Variants in ZNF385D observed in about 807,000 individuals in gnomAD.
ZNF385D encodes the protein zinc finger protein 659.
ZNF385D carries 15 observed loss-of-function variants against 35.8 expected under a neutral mutation model. That is an observed-to-expected ratio of 0.42 (90% confidence interval 0.28 to 0.64). The LOEUF is 0.64. Among genes scored for constraint, ZNF385D ranks in the 30% least tolerant of loss-of-function variants. The probability of loss-of-function intolerance (pLI) is 0.23; values close to 1 mark genes in which losing one functional copy is unlikely to be tolerated. For synonymous variants in ZNF385D, 212 were observed against 186.8 expected (o/e 1.13, Z -1.10); for missense variants, 474 against 494.6 (o/e 0.96, Z 0.39).
At chr3:22,035,839 G>A (rs1367311497) in intron 3 of ZNF385D, among the ~76,000 whole-genome samples, 2 of 152,160 alleles carry the variant, frequency 1.3e-5, no homozygotes, top group Non-Finnish European at 2.9e-5. Context: ...TAAAAATATT[G>A]TGGATCTTGT....
chr3:21,703,581 G>A (rs2067776435), intron 1 of ZNF385D, among the ~76,000 whole-genome samples: 1 of 151,902 alleles, frequency 6.6e-6, no homozygotes, highest in South Asian at 2.1e-4. Flanking sequence ...TTTATTTCTT[G>A]CTGGGTGTGT....
chr3:21,704,818 G>A (rs781285918), intron 1 of ZNF385D, among the ~76,000 whole-genome samples: 167 of 152,200 alleles, frequency 1.1e-3, no homozygotes, highest in Non-Finnish European at 2.0e-3. Flanking sequence ...ATTACATGAA[G>A]GAATAAACTA....
intron 4 of ZNF385D, among the ~76,000 whole-genome samples, chr3:21,458,313 A>AG (rs1307441711): frequency 1.8e-5 from 2 of 110,548 alleles, no homozygotes; most frequent in Non-Finnish European, 3.5e-5. Context: ...TCACTCTTAA[A>AG]GGAAAAAAAA....
intron 3 of ZNF385D, among the ~76,000 whole-genome samples, chr3:22,101,667 C>G (rs17647602): frequency 6.6e-6 from 1 of 151,056 alleles, no homozygotes; most frequent in African/African-American, 2.5e-5. Context: ...GGGGCATGTA[C>G]GTTTTGCAAC....
chr3:21,906,488 G>A (rs1228595512), intron 3 of ZNF385D, among the ~76,000 whole-genome samples: 1 of 152,252 alleles, frequency 6.6e-6, no homozygotes, highest in Admixed American at 6.5e-5. Flanking sequence ...TCTATGTCCT[G>A]AAAGAACGGA....
At chr3:21,442,730 T>C (rs544220951) in intron 4 of ZNF385D, among the ~76,000 whole-genome samples, 30 of 150,902 alleles carry the variant, frequency 2.0e-4, no homozygotes, top group Non-Finnish European at 3.1e-4. Context: ...ATTGAGCAGA[T>C]GGGAATTATG....
intron 3 of ZNF385D, among the ~76,000 whole-genome samples, chr3:21,813,805 C>T (rs2125713908): frequency 6.6e-6 from 1 of 152,200 alleles, no homozygotes; most frequent in South Asian, 2.1e-4. Context: ...AGAACCTCCC[C>T]AATCTAGCAA....
upstream of ZNF385D, among the ~76,000 whole-genome samples, chr3:21,753,930 T>C (rs2070224691): frequency 1.3e-5 from 2 of 152,284 alleles, no homozygotes; most frequent in Middle Eastern, 3.4e-3. Context: ...AGTGAAATCA[T>C]TGGGTATTTG....
In ZNF385D at chr3:22,262,477, GAAAA is replaced by G. The variant is rs529024014; in HGVS notation, c.107-93446_107-93443del. Among the ~76,000 whole-genome samples, 92 of 151,878 alleles carry G rather than the reference GAAAA, an allele frequency of 6.1e-4. 1 individual carries two copies. The South Asian group carries it at 9.8e-3, about 16-fold the overall frequency. ...ATTTTAAAAATATTAAGAATAAAGA[GAAAA>G]AATAGACACAAGTGCCTTAGGGACA... On this transcript the variant is annotated intron_variant, in intron 2 of 5. Coordinates refer to the ZNF385D transcript ENST00000494108.
In ZNF385D at chr3:22,287,072, G is replaced by A. The variant is rs1364651911; in HGVS notation, c.106+85378C>T. 8.6e-5 allele frequency among the ~76,000 whole-genome samples: 13 copies of A among 151,990 alleles called. 1 individual carries two copies. The highest frequency in any genetic ancestry group is 1.5e-5 in the Non-Finnish European group (1 of 67,950). On this transcript the variant is annotated intron_variant, in intron 2 of 5. Coordinates refer to the ZNF385D transcript ENST00000494108. ...ATGTGCTCTGATGTTGGGTACATAT[G>A]TATTTACGATTGCTATATTTTGTTG...
chr3:22,274,773 CGAAG>C (rs1701343163), intron 2 of ZNF385D, among the ~76,000 whole-genome samples: 1 of 140,800 alleles, frequency 7.1e-6, no homozygotes, highest in African/African-American at 2.8e-5. Flanking sequence ...TGGATTCCAA[CGAAG>C]TTAGTACTTT....
intron 1 of ZNF385D, among the ~76,000 whole-genome samples, chr3:21,711,401 T>A (rs1403263107): frequency 6.6e-6 from 1 of 152,150 alleles, no homozygotes; most frequent in African/African-American, 2.4e-5. Context: ...TTTCAAAATT[T>A]CTAATATTCT....
chr3:21,804,465 G>A, intron 3 of ZNF385D, among the ~76,000 whole-genome samples: 1 of 152,098 alleles, frequency 6.6e-6, no homozygotes, highest in African/African-American at 2.4e-5. Flanking sequence ...ACTTCTCCAG[G>A]GCATGCAGAA....
intron 3 of ZNF385D, among the ~76,000 whole-genome samples, chr3:22,081,482 T>C (rs2125583509): frequency 6.6e-6 from 1 of 152,326 alleles, no homozygotes; most frequent in African/African-American, 2.4e-5. Context: ...TAAGATGTTG[T>C]TATGATAATG....
At chr3:21,923,270 T>C (rs1700567190) in intron 3 of ZNF385D, among the ~76,000 whole-genome samples, 1 of 151,658 alleles carries the variant, frequency 6.6e-6, no homozygotes, top group Admixed American at 6.6e-5. Flanking sequence ...CTCCACATTA[T>C]TAATCATCAG....
intron 3 of ZNF385D, among the ~76,000 whole-genome samples, chr3:21,888,953 C>A (rs1351390839): frequency 6.6e-6 from 1 of 152,184 alleles, no homozygotes; most frequent in Non-Finnish European, 1.5e-5. Flanking sequence ...CCTCTCCTTA[C>A]ACCAATAAAA....
intron 3 of ZNF385D, among the ~76,000 whole-genome samples, chr3:22,147,173 A>G (rs974188196): frequency 2.6e-5 from 4 of 152,230 alleles, no homozygotes; most frequent in African/African-American, 9.6e-5. Flanking sequence ...TGTTAGAATC[A>G]AAGTTGAAAG....
intron 2 of ZNF385D, among the ~76,000 whole-genome samples, chr3:22,349,126 G>T (rs893942480): frequency 6.6e-6 from 1 of 152,100 alleles, no homozygotes; most frequent in Non-Finnish European, 1.5e-5. Flanking sequence ...TCTCTCAAGG[G>T]TAAAAATCCC....
At chr3:22,094,410 A>ATAT (rs1386186822) in intron 3 of ZNF385D, among the ~76,000 whole-genome samples, 2 of 83,472 alleles carry the variant, frequency 2.4e-5, no homozygotes, top group African/African-American at 4.0e-5. Flanking sequence ...ATATATATAT[A>ATAT]AAGGCATTTG....
Sources: allele counts gnomAD v4.1 joint callset (sites outside exome capture counted in the v4.1 genomes callset), GRCh38; gene constraint gnomAD v4.1.1; transcripts MANE v1.5; gene names NCBI Gene and HGNC (gene_info 2026-07-23, HGNC 2026-07-21).